Variants in ANTXR1 observed in about 807,000 individuals in gnomAD.
ANTXR1 encodes the protein anthrax toxin receptor 1.
In ANTXR1, 19 loss-of-function variants were observed where a neutral mutation model predicts 78.1. The ratio of observed to expected loss-of-function variants is 0.24; its 90% CI spans 0.17 to 0.36. The LOEUF (loss-of-function observed/expected upper bound fraction) is 0.36. Among genes scored for constraint, ANTXR1 ranks in the 10% least tolerant of loss-of-function variants. ANTXR1 has a pLI of 1.00. For missense variants in ANTXR1, 518 were observed against 718.6 expected (o/e 0.72, Z 3.19); for synonymous variants, 273 against 260.5 (o/e 1.05, Z -0.46).
intron 9 of ANTXR1, among the ~76,000 whole-genome samples, chr2:69,096,605 A>T (rs903187709): frequency 5.9e-5 from 9 of 151,828 alleles, no homozygotes; most frequent in African/African-American, 2.2e-4. Context: ...GAGGTTATAA[A>T]CTGGCAGCCT....
At chr2:69,170,840 A>G (rs769301530) in intron 14 of ANTXR1, among the ~76,000 whole-genome samples, 2 of 152,230 alleles carry the variant, frequency 1.3e-5, no homozygotes, top group African/African-American at 4.8e-5. Flanking sequence ...AATTCTCGTC[A>G]TCTAAAGAAA....
chr2:69,177,799 C>T (rs1162286438), intron 14 of ANTXR1, among the ~76,000 whole-genome samples: 2 of 152,114 alleles, frequency 1.3e-5, no homozygotes, highest in African/African-American at 4.8e-5. Flanking sequence ...ATTAAAGGGA[C>T]TCTTATTTAC....
At chr2:69,220,969 A>G (rs1284653907) in intron 17 of ANTXR1, among the ~76,000 whole-genome samples, 1 of 152,260 alleles carries the variant, frequency 6.6e-6, no homozygotes, top group Non-Finnish European at 1.5e-5. Context: ...AATAAAATGA[A>G]AGCCTATTAA....
At chr2:69,202,369 AAGG>A (rs1674793552) in intron 17 of ANTXR1, among the ~76,000 whole-genome samples, 1 of 152,302 alleles carries the variant, frequency 6.6e-6, no homozygotes, top group African/African-American at 2.4e-5. Context: ...GATTAGCAGT[AAGG>A]AGGTTATGGT....
intron 17 of ANTXR1, among the ~76,000 whole-genome samples, chr2:69,209,934 A>G (rs1488967515): frequency 2.2e-4 from 34 of 152,200 alleles, no homozygotes; most frequent in Admixed American, 2.2e-3. Context: ...CCTGCCTCTA[A>G]TTAACATTCT....
intron 17 of ANTXR1, among the ~76,000 whole-genome samples, chr2:69,236,155 C>A (rs1317870957): frequency 6.6e-6 from 1 of 152,094 alleles, no homozygotes; most frequent in Non-Finnish European, 1.5e-5. Context: ...AAACCTAACC[C>A]TATCAACCAG....
chr2:69,123,690 G>A (rs1173736429), intron 11 of ANTXR1, among the ~76,000 whole-genome samples: 2 of 152,166 alleles, frequency 1.3e-5, no homozygotes, highest in African/African-American at 2.4e-5. Context: ...AAATCTCATG[G>A]TGATGCAATT....
At chr2:69,085,146 CCCAAGCTG>C (rs1671012259) in intron 8 of ANTXR1, among the ~76,000 whole-genome samples, 1 of 152,044 alleles carries the variant, frequency 6.6e-6, no homozygotes, top group Non-Finnish European at 1.5e-5. Flanking sequence ...AGTTGTGTGT[CCCAAGCTG>C]CCTGGCTATC....
chr2:69,128,244 T>A (rs62134404), intron 12 of ANTXR1, among the ~76,000 whole-genome samples: 1 of 149,970 alleles, frequency 6.7e-6, no homozygotes, highest in Non-Finnish European at 1.5e-5. Flanking sequence ...AAAAAAAATT[T>A]GTTTAGCCCT....
At chr2:69,065,180 C>G (rs1573830807) in intron 3 of ANTXR1, among the ~76,000 whole-genome samples, 1 of 152,094 alleles carries the variant, frequency 6.6e-6, no homozygotes, top group East Asian at 1.9e-4. Context: ...AATCCCAGCA[C>G]TTTGGGAGGC....
At chr2:69,150,993 C>T (rs933878158) in intron 12 of ANTXR1, among the ~76,000 whole-genome samples, 100 of 152,210 alleles carry the variant, frequency 6.6e-4, no homozygotes, top group Middle Eastern at 3.4e-3. Context: ...CACTACACTC[C>T]AACCCAAGTG....
chr2:69,144,371 A>G (rs984973358), intron 12 of ANTXR1, among the ~76,000 whole-genome samples: 3 of 152,178 alleles, frequency 2.0e-5, no homozygotes, highest in African/African-American at 7.2e-5. Context: ...TTGTAATTAG[A>G]ACAAGCAGAT....
intron 1 of ANTXR1, among the ~76,000 whole-genome samples, chr2:69,025,115 C>T (rs1001279737): frequency 3.3e-5 from 5 of 152,150 alleles, no homozygotes; most frequent in African/African-American, 1.2e-4. Context: ...TTGCCTTTGG[C>T]TCTAATGCCC....
rs951926840 is a variant in ANTXR1, at chr2:69,020,156, A to G, written c.152+6505A>G. Among the ~76,000 whole-genome samples the G allele has an allele frequency of 3.8e-4, 58 of 152,266 alleles. 1 individual carries two copies. Among genetic ancestry groups the G allele is most frequent in the Non-Finnish European group, 1.3e-4 (9 of 68,022 alleles). On this transcript the variant is annotated intron_variant, in intron 1 of 17. Transcript: ENST00000303714. ...CTTTAGGTCTTTGAGGAATTGCCAC[A>G]CTATCTTTTACAATAATAATTTTAA...
At chr2:69,242,279 C>T (rs562947871) in intron 17 of ANTXR1, among the ~76,000 whole-genome samples, 1 of 152,328 alleles carries the variant, frequency 6.6e-6, no homozygotes, top group Non-Finnish European at 1.5e-5. Context: ...CCTCACTCCC[C>T]CACAGCCCCC....
intron 8 of ANTXR1, among the ~76,000 whole-genome samples, chr2:69,084,483 G>T (rs1188157937): frequency 6.6e-6 from 1 of 152,028 alleles, no homozygotes; most frequent in East Asian, 1.9e-4. Context: ...GTGTTTTGTT[G>T]CATGTAAGCG....
At chr2:69,205,187 G>T (rs939962723) in intron 17 of ANTXR1, among the ~76,000 whole-genome samples, 21 of 152,132 alleles carry the variant, frequency 1.4e-4, no homozygotes, top group Admixed American at 1.3e-4. Context: ...TAGGGCATCA[G>T]GGCATACTTC....
intron 1 of ANTXR1, among the ~76,000 whole-genome samples, chr2:69,028,056 A>G (rs1392473576): frequency 6.6e-6 from 1 of 152,220 alleles, no homozygotes; most frequent in Non-Finnish European, 1.5e-5. Context: ...TTTCAGGAGG[A>G]AAACACAGCT....
At chr2:69,187,835 C>T (rs1460368545) in intron 16 of ANTXR1, among the ~76,000 whole-genome samples, 3 of 150,934 alleles carry the variant, frequency 2.0e-5, no homozygotes, top group South Asian at 2.1e-4. Context: ...TTGATCTGAC[C>T]GCCTCGGCCG....
Sources: allele counts gnomAD v4.1 joint callset (sites outside exome capture counted in the v4.1 genomes callset), GRCh38; gene constraint gnomAD v4.1.1; transcripts MANE v1.5; gene names NCBI Gene and HGNC (gene_info 2026-07-23, HGNC 2026-07-21).